Variants in SORCS1 observed in about 807,000 individuals in gnomAD.
The protein encoded by SORCS1 is VPS10 domain-containing receptor SorCS1.
In SORCS1, 60 loss-of-function variants were observed where a neutral mutation model predicts 146.1. That is an observed-to-expected ratio of 0.41 (90% confidence interval 0.33 to 0.51). SORCS1 has a LOEUF of 0.51. Ranked by LOEUF, SORCS1 falls within the 20% of genes least tolerant of loss-of-function variation. The probability of loss-of-function intolerance (pLI) is 0.21; values close to 1 mark genes in which losing one functional copy is unlikely to be tolerated. For missense variants in SORCS1, 1,352 were observed against 1,487.6 expected (o/e 0.91, Z 1.50); for synonymous variants, 637 against 584.0 (o/e 1.09, Z -1.31).
At chr10:107,092,126 C>CATTTTCAT (rs1273398933) in intron 1 of SORCS1, among the ~76,000 whole-genome samples, 1 of 152,206 alleles carries the variant, frequency 6.6e-6, no homozygotes, top group African/African-American at 2.4e-5. Context: ...TGTGGTAAAG[C>CATTTTCAT]AGGTACATCC....
chr10:106,867,310 A>C (rs1418136307), intron 2 of SORCS1, among the ~76,000 whole-genome samples: 1 of 148,570 alleles, frequency 6.7e-6, no homozygotes, highest in Non-Finnish European at 1.5e-5. Context: ...TTTGAAACGG[A>C]GTCTCGTTCT....
At chr10:106,640,619 G>A (rs1377566865) in intron 18 of SORCS1, among the ~76,000 whole-genome samples, 1 of 152,184 alleles carries the variant, frequency 6.6e-6, no homozygotes, top group Admixed American at 6.5e-5. Flanking sequence ...GTTTTGTTGA[G>A]TTCTTCAGAC....
chr10:107,067,444 C>G (rs115967103), intron 1 of SORCS1, among the ~76,000 whole-genome samples: 1 of 152,000 alleles, frequency 6.6e-6, no homozygotes, highest in Non-Finnish European at 1.5e-5. Context: ...AGCAACAGTC[C>G]CTTTGAAATG....
rs180747187 is a variant in SORCS1, at chr10:106,623,362, T to C, written c.2663-2801A>G. ...GGTTCAAGCAATCCTCCTGCCTCAG[T>C]CTCCCGAGTAGCTAGCTGGGACTAC... is the stretch of plus-strand genomic sequence containing the variant. On this transcript the variant is annotated intron_variant, in intron 19 of 25. Transcript: ENST00000263054. Among the ~76,000 whole-genome samples, 21 of 151,044 alleles carry C rather than the reference T, an allele frequency of 1.4e-4. No individual in the cohort carries two copies. In the East Asian group the frequency reaches 4.2e-3, roughly 30 times the overall value.
chr10:107,021,608 T>A (rs960244727), intron 1 of SORCS1, among the ~76,000 whole-genome samples: 2 of 151,820 alleles, frequency 1.3e-5, no homozygotes, highest in African/African-American at 2.4e-5. Flanking sequence ...ATTTCATGTT[T>A]CTTTGTGACC....
chr10:107,095,258 C>G (rs746277240), intron 1 of SORCS1, among the ~76,000 whole-genome samples: 1 of 152,150 alleles, frequency 6.6e-6, no homozygotes, highest in Non-Finnish European at 1.5e-5. Context: ...ATAACACAGA[C>G]AAGGAAACAG....
the SORCS1 span, among the ~76,000 whole-genome samples, chr10:107,175,026 G>C: frequency 1.3e-5 from 2 of 152,076 alleles, no homozygotes; most frequent in African/African-American, 4.8e-5. Context: ...CTTGCAATAT[G>C]GTCACGTTTT....
At chr10:107,005,964 T>C (rs148885153) in intron 1 of SORCS1, among the ~76,000 whole-genome samples, 222 of 152,322 alleles carry the variant, frequency 1.5e-3, no homozygotes, top group Non-Finnish European at 2.7e-3. Flanking sequence ...GATTTTGTGG[T>C]AATTTGTTGA....
chr10:106,608,957 G>A (rs1236767661), intron 22 of SORCS1, among the ~76,000 whole-genome samples: 1 of 152,170 alleles, frequency 6.6e-6, no homozygotes, highest in East Asian at 1.9e-4. Flanking sequence ...ACCCTAAGAA[G>A]TGACACGACT....
intron 21 of SORCS1, among the ~76,000 whole-genome samples, chr10:106,612,603 T>C (rs76158260): frequency 6.6e-6 from 1 of 151,708 alleles, no homozygotes; most frequent in Non-Finnish European, 1.5e-5. Context: ...GGGGCAGCCA[T>C]GTTGCCAGTC....
chr10:106,617,165 G>A (rs1247954711), intron 21 of SORCS1, among the ~76,000 whole-genome samples: 2 of 151,898 alleles, frequency 1.3e-5, no homozygotes, highest in African/African-American at 2.4e-5. Flanking sequence ...ATGTTGGTCA[G>A]GCTGGTCTCG....
chr10:106,842,837 T>C (rs773867191), intron 2 of SORCS1, among the ~76,000 whole-genome samples: 8 of 152,058 alleles, frequency 5.3e-5, no homozygotes, highest in Non-Finnish European at 1.0e-4. Context: ...GGTCTTGAAC[T>C]CCTGATCTCA....
intron 2 of SORCS1, among the ~76,000 whole-genome samples, chr10:106,924,169 G>T (rs10786985): frequency 0.52 from 78,774 of 150,890 alleles, 22,098 homozygotes; most frequent in Non-Finnish European, 0.63. Flanking sequence ...CAGGATAATC[G>T]CTTGAACCCG....
chr10:106,989,684 T>G (rs961427837), intron 1 of SORCS1, among the ~76,000 whole-genome samples: 2 of 129,752 alleles, frequency 1.5e-5, no homozygotes, highest in African/African-American at 3.1e-5. Context: ...TTTTTTGTTT[T>G]TTTTTTTTTT....
intron 2 of SORCS1, among the ~76,000 whole-genome samples, chr10:106,884,388 G>C (rs1383761843): frequency 6.6e-6 from 1 of 152,044 alleles, no homozygotes; most frequent in Non-Finnish European, 1.5e-5. Context: ...TTCTGGGAAA[G>C]CTTTCCCACT....
intron 1 of SORCS1, among the ~76,000 whole-genome samples, chr10:107,022,985 G>A (rs1958212869): frequency 6.6e-6 from 1 of 152,166 alleles, no homozygotes; most frequent in African/African-American, 2.4e-5. Context: ...CATAGTGGGA[G>A]GCCTGGATCT....
rs151268483 is a variant in SORCS1, at chr10:106,756,205, C to T, written c.959+5383G>A. 3.1e-3 allele frequency among the ~76,000 whole-genome samples: 477 copies of T among 151,832 alleles called. 1 individual carries two copies. The highest frequency in any genetic ancestry group is 0.011 in the African/African-American group (451 of 41,458). The stretch of plus-strand genomic sequence containing the variant: ...CTGTCACAAAATGGGGAAAGCAAAC[C>T]TGATCATAAGACAACACAAAGAAAA... On this transcript the variant is annotated intron_variant, in intron 5 of 25. Transcript: ENST00000263054.
chr10:107,177,725 C>A, the SORCS1 span, among the ~76,000 whole-genome samples: 1 of 152,126 alleles, frequency 6.6e-6, no homozygotes, highest in South Asian at 2.1e-4. Flanking sequence ...GAATGTTTAT[C>A]ATTTCTTTGT....
intron 5 of SORCS1, among the ~76,000 whole-genome samples, chr10:106,744,625 A>C (rs1857590128): frequency 6.6e-6 from 1 of 152,148 alleles, no homozygotes; most frequent in African/African-American, 2.4e-5. Context: ...TGTATTTTTT[A>C]ATTGGTGAAT....
Sources: gnomAD v4.1 joint callset for allele counts (sites outside exome capture counted in the v4.1 genomes callset) on GRCh38, gnomAD v4.1.1 for gene constraint, MANE v1.5 for transcripts, NCBI Gene and HGNC (gene_info 2026-07-23, HGNC 2026-07-21) for gene names.